IQSEC1: variants seen among roughly 807,000 people sequenced by gnomAD.
IQSEC1 encodes the protein IQ motif and SEC7 domain-containing protein 1.
Under a neutral mutation model 91.0 loss-of-function variants are expected in IQSEC1, and 31 were observed. The observed-to-expected ratio is 0.34, with a 90% CI of 0.26 to 0.46. The LOEUF is 0.46. IQSEC1 is among the 20% of genes least tolerant of loss of function. The pLI is 1.00. For synonymous variants in IQSEC1, 699 were observed against 662.6 expected (o/e 1.05, Z -0.84); for missense variants, 1,388 against 1,575.6 (o/e 0.88, Z 2.02).
At chr3:13,261,339 T>C (rs997265403) in intron 1 of IQSEC1, among the ~76,000 whole-genome samples, 2 of 152,192 alleles carry the variant, frequency 1.3e-5, no homozygotes, top group African/African-American at 4.8e-5. Flanking sequence ...GGACACCCCT[T>C]CAGAGCCTTC....
Position 13,094,565 on chromosome 3 carries a change from C to G in IQSEC1, c.303-47043G>C, listed in dbSNP as rs191092377. 7.9e-5 allele frequency among the ~76,000 whole-genome samples: 12 copies of G among 152,322 alleles called. No individual in the cohort carries two copies. In the South Asian group the frequency reaches 2.3e-3, roughly 29 times the overall value. ...ACCTCTCTCTCCTCCTGACACCCCC[C>G]ACCTGGTGCCAGACCCTGCACTAAG... On this transcript the variant is annotated intron_variant, in intron 2 of 15. Transcript: ENST00000648114.
intron 1 of IQSEC1, among the ~76,000 whole-genome samples, chr3:12,948,017 C>T (rs1699297985): frequency 6.6e-6 from 1 of 152,238 alleles, no homozygotes; most frequent in African/African-American, 2.4e-5. Context: ...GGCTTTCTGC[C>T]AAGCAAGGGG....
At chr3:13,159,587 C>G (rs1707135217) in intron 2 of IQSEC1, among the ~76,000 whole-genome samples, 1 of 152,150 alleles carries the variant, frequency 6.6e-6, no homozygotes, top group African/African-American at 2.4e-5. Flanking sequence ...AAATCCACGT[C>G]ATCCTAGGCA....
At chr3:13,262,722 C>T (rs543231858) in intron 1 of IQSEC1, among the ~76,000 whole-genome samples, 1 of 152,388 alleles carries the variant, frequency 6.6e-6, no homozygotes, top group South Asian at 2.1e-4. Flanking sequence ...TGGAAAGTTA[C>T]TCAGCCTTAA....
chr3:13,063,662 GA>G lies in IQSEC1; in HGVS notation c.23+9329del, dbSNP rs200646225. Among the ~76,000 whole-genome samples, 902 of 152,372 alleles carry G rather than the reference GA, an allele frequency of 5.9e-3. 9 individuals are homozygous for G. The highest frequency in any genetic ancestry group is 0.021 in the African/African-American group (869 of 41,598). On this transcript the variant is annotated intron_variant, in intron 1 of 13. Transcript: ENST00000613206. The stretch of plus-strand genomic sequence containing the variant: ...CAGCTGAAACCACTGCCTGCTGGCA[GA>G]GCAGGGTCTGAAACTCAGAACCCCT...
In IQSEC1 at chr3:13,282,998, G is replaced by A. The variant is rs1695825744; in HGVS notation, c.-16C>T. On this transcript the variant is annotated 5_prime_UTR_variant, in exon 1 of 16. Transcript: ENST00000648114. This position sits in a 1 kb window ranked among gnomAD's most constrained non-coding sequence, Gnocchi z 6.4. ...CGCTGGCCATGGCCCCCCGCCCGGA[G>A]GCCGGCCGCGCCTCAGGCGAGCGGG... 6.9e-6 allele frequency among the ~76,000 whole-genome samples: 1 copy of A among 145,494 alleles called. No individual in the cohort carries two copies. The highest frequency in any genetic ancestry group is 1.5e-5 in the Non-Finnish European group (1 of 65,512).
At chr3:13,060,955 A>G (rs1705046864) in intron 1 of IQSEC1, among the ~76,000 whole-genome samples, 1 of 152,188 alleles carries the variant, frequency 6.6e-6, no homozygotes, top group African/African-American at 2.4e-5. Flanking sequence ...TTTCCTCTGC[A>G]TACGGGCTCC....
intron 1 of IQSEC1, among the ~76,000 whole-genome samples, chr3:13,054,799 C>G (rs1237094351): frequency 6.6e-6 from 1 of 152,222 alleles, no homozygotes; most frequent in Non-Finnish European, 1.5e-5. Flanking sequence ...CGGTGGGACC[C>G]CAGGAGCCAC....
At chr3:13,147,012 C>T (rs564929596) in intron 2 of IQSEC1, among the ~76,000 whole-genome samples, 4 of 152,084 alleles carry the variant, frequency 2.6e-5, no homozygotes, top group African/African-American at 9.7e-5. Flanking sequence ...TGGCAAGTGA[C>T]AAAAAGCAAA....
chr3:13,075,245 G>C (rs1206465132), upstream of IQSEC1, among the ~76,000 whole-genome samples: 2 of 152,196 alleles, frequency 1.3e-5, no homozygotes, highest in African/African-American at 2.4e-5. Context: ...GTCAGGTCCA[G>C]TTGTTTCATG....
At chr3:13,173,132 C>T (rs1004649738) in intron 1 of IQSEC1, among the ~76,000 whole-genome samples, 27 of 152,228 alleles carry the variant, frequency 1.8e-4, no homozygotes, top group Non-Finnish European at 3.5e-4. Context: ...TTGATAAAAT[C>T]TGAGAAACCT....
chr3:13,088,524 C>T (rs1705779797), intron 2 of IQSEC1, among the ~76,000 whole-genome samples: 1 of 152,102 alleles, frequency 6.6e-6, no homozygotes, highest in African/African-American at 2.4e-5. Flanking sequence ...CCTCCCCGCT[C>T]CTCTGAATGG....
In IQSEC1 at chr3:12,908,415, A is replaced by G; in HGVS notation, c.2689T>C (p.Tyr897His). Residue 897 changes from tyrosine to histidine, a missense_variant, in exon 12 of 14, where the codon TAT (tyrosine) becomes CAT (histidine). By Grantham distance (83) the Tyr-to-His change is moderately conservative. Coordinates refer to ENST00000613206, the MANE Select transcript of IQSEC1 (RefSeq NM_001134382.3). The surrounding 1 kb of genome is among the most constrained non-coding windows in gnomAD (Gnocchi z 4.9). ...TLSRACLDDS[Y>H]ASGEGLKRSA... ...CGCTTGAGGCCCTCACCGCTGGCAT[A>G]GCTGTCGTCCAGGCAGGCCCGGCTC... is the stretch of plus-strand genomic sequence containing the variant. The G allele has an allele frequency of 6.2e-7, 1 of 1,613,256 alleles. No homozygotes were observed. The highest frequency in any genetic ancestry group is 8.5e-7 in the Non-Finnish European group (1 of 1,180,026).
intron 1 of IQSEC1, among the ~76,000 whole-genome samples, chr3:13,178,253 C>T (rs1425339853): frequency 6.6e-6 from 1 of 152,240 alleles, no homozygotes; most frequent in African/African-American, 2.4e-5. Context: ...TCACTGGTGG[C>T]CAGATAGACA....
chr3:13,234,827 A>G (rs189400071), intron 1 of IQSEC1, among the ~76,000 whole-genome samples: 55 of 152,270 alleles, frequency 3.6e-4, no homozygotes, highest in African/African-American at 1.3e-3. Context: ...GTATGCTACT[A>G]TTGAGGTCCC....
At chr3:13,064,760 C>T (rs901685551) in intron 1 of IQSEC1, among the ~76,000 whole-genome samples, 1 of 152,216 alleles carries the variant, frequency 6.6e-6, no homozygotes, top group Non-Finnish European at 1.5e-5. Flanking sequence ...GGACCAGACT[C>T]GGATAGTTGC....
intron 2 of IQSEC1, among the ~76,000 whole-genome samples, chr3:13,106,078 G>A (rs1217102912): frequency 1.3e-5 from 2 of 152,178 alleles, no homozygotes; most frequent in Non-Finnish European, 2.9e-5. Flanking sequence ...GTTCCTGGGT[G>A]ACTCTGTGGA....
intron 1 of IQSEC1, among the ~76,000 whole-genome samples, chr3:13,258,012 A>G (rs1393288827): frequency 1.3e-5 from 2 of 152,262 alleles, no homozygotes; most frequent in African/African-American, 4.8e-5. Context: ...TATCAACCAT[A>G]AAAAGCCATG....
intron 1 of IQSEC1, among the ~76,000 whole-genome samples, chr3:13,189,922 C>T (rs1693993337): frequency 6.6e-6 from 1 of 152,212 alleles, no homozygotes; most frequent in Non-Finnish European, 1.5e-5. Flanking sequence ...TGCTGACATG[C>T]AATCCTTTCA....
Sources: gnomAD v4.1 joint callset for allele counts (sites outside exome capture counted in the v4.1 genomes callset) on GRCh38, gnomAD v4.1.1 for gene constraint, Gnocchi (gnomAD v3.1) non-coding constraint, MANE v1.5 for transcripts, NCBI Gene and HGNC (gene_info 2026-07-23, HGNC 2026-07-21) for gene names.